The following SLC12A9 variants were observed in gnomAD, a reference collection of about 807,000 sequenced individuals.
SLC12A9 encodes solute carrier family 12 member 9.
In SLC12A9, 55 loss-of-function variants were observed where a neutral mutation model predicts 66.0. The observed-to-expected ratio is 0.83, with a 90% CI of 0.67 to 1.04. The LOEUF is 1.04. Ranked by LOEUF, SLC12A9 falls within the 50% of genes least tolerant of loss-of-function variation. The pLI, the probability that SLC12A9 is intolerant of heterozygous loss-of-function variation, is 0.00. For synonymous variants in SLC12A9, 577 were observed against 569.0 expected (o/e 1.01, Z -0.20); for missense variants, 1,061 against 1,241.9 (o/e 0.85, Z 2.19).
At chr7:100,827,163 A>T (rs976787049) in intron 1 of SLC12A9, 1 of 896,814 alleles carries the variant, frequency 1.1e-6, no homozygotes, top group Admixed American at 3.6e-5. Context: ...GCGCGGGCCC[A>T]TGCGAGCGTG....
At chr7:100,833,610 C>T (rs1813586321) in intron 1 of SLC12A9, among the ~76,000 whole-genome samples, 2 of 151,712 alleles carry the variant, frequency 1.3e-5, no homozygotes, top group Non-Finnish European at 2.9e-5. Context: ...AGTTCCAGGC[C>T]AGCCTGGGCA....
intron 1 of SLC12A9, chr7:100,827,085 C>G (rs1300439941): frequency 8.4e-6 from 13 of 1,540,514 alleles, no homozygotes; most frequent in Middle Eastern, 1.7e-4. Context: ...CCTCGCCCCC[C>G]CAGGTCTGAC....
At chr7:100,863,128 G>C (rs1163135361) in intron 13 of SLC12A9, among the ~76,000 whole-genome samples, 1 of 148,468 alleles carries the variant, frequency 6.7e-6, no homozygotes, top group Non-Finnish European at 1.5e-5. Flanking sequence ...ACAGTGGCAC[G>C]ATCTTGGCTC....
In SLC12A9 at chr7:100,857,038, G is replaced by T. The variant is rs1814436433; in HGVS notation, c.619G>T (p.Val207Leu). The T allele has an allele frequency of 6.2e-7, 1 of 1,614,094 alleles. No homozygotes were observed. Residue 207 changes from valine (V) to leucine (L), a missense_variant, in exon 5 of 14, where the codon GTG (valine) becomes TTG (leucine). Transcript: ENST00000354161. ...FLLVSGSLAS[V>L]LISFVAVGPR... The stretch of plus-strand genomic sequence containing the variant: ...GCTGGTCTCTGGCTCCCTGGCCTCT[G>T]TGCTCATCAGTTTTGTGGCTGTGGG...
intron 1 of SLC12A9, among the ~76,000 whole-genome samples, chr7:100,837,137 C>T (rs1216788119): frequency 6.6e-6 from 1 of 152,098 alleles, no homozygotes; most frequent in Non-Finnish European, 1.5e-5. Flanking sequence ...GAGATGGGGG[C>T]TCGCTATGTT....
intron 1 of SLC12A9, among the ~76,000 whole-genome samples, chr7:100,827,960 G>C (rs1032956440): frequency 1.3e-5 from 2 of 152,170 alleles, no homozygotes; most frequent in African/African-American, 4.8e-5. Flanking sequence ...TCTAGATGCC[G>C]CTCTTGGATG....
chr7:100,859,041 C>T lies in SLC12A9; in HGVS notation c.866-9C>T. 1 of 1,613,122 alleles carries T rather than the reference C, an allele frequency of 6.2e-7. No homozygotes were observed. The highest frequency in any genetic ancestry group is 8.5e-7 in the Non-Finnish European group (1 of 1,179,874). ...GGCTGACCTCACTCCCTCTGCTCCC[C>T]CTCTCCAGGGGAGCTGAAGGACCCC... On this transcript the variant is annotated splice_polypyrimidine_tract_variant and intron_variant, in intron 6 of 13. Transcript: ENST00000354161.
chr7:100,839,814 G>A (rs1447915010), intron 1 of SLC12A9, among the ~76,000 whole-genome samples: 11 of 152,230 alleles, frequency 7.2e-5, no homozygotes, highest in South Asian at 2.1e-4. Flanking sequence ...AGGCCAAGGC[G>A]GGCGGATGAC....
chr7:100,847,322 G>A (rs1813940692), intron 1 of SLC12A9, among the ~76,000 whole-genome samples: 2 of 152,362 alleles, frequency 1.3e-5, no homozygotes, highest in South Asian at 4.1e-4. Context: ...TAATATTGAA[G>A]TCAAGGCATC....
intron 1 of SLC12A9, among the ~76,000 whole-genome samples, chr7:100,853,100 G>A (rs1346077550): frequency 6.6e-6 from 1 of 152,028 alleles, no homozygotes; most frequent in African/African-American, 2.4e-5. Flanking sequence ...CGAGGAGGAG[G>A]GGGTTTGAGA....
intron 5 of SLC12A9, chr7:100,858,590 TA>T (rs1323933539): frequency 4.9e-6 from 2 of 407,300 alleles, no homozygotes; most frequent in Non-Finnish European, 9.1e-6. Context: ...ACCCTGTCTC[TA>T]AAAAATAAAT....
In SLC12A9 at chr7:100,834,271, C is replaced by A. The variant is rs553947945; in HGVS notation, n.228+7224C>A. 6.3e-3 allele frequency among the ~76,000 whole-genome samples: 958 copies of A among 152,198 alleles called. 11 individuals carry two copies. Among genetic ancestry groups the A allele is most frequent in the Middle Eastern group, 0.051 (15 of 294 alleles). On this transcript the variant is annotated intron_variant and non_coding_transcript_variant, in intron 1 of 1. Transcript: ENST00000461016. Reference sequence around the variant, plus strand: ...GCTGCCAGAGTTCACAACGCCAGGTCAGAGAGGGCAAGGACAGTGACCATG... The same window carrying A: ...GCTGCCAGAGTTCACAACGCCAGGTAAGAGAGGGCAAGGACAGTGACCATG...
chr7:100,835,522 C>A (rs1301200099), intron 1 of SLC12A9, among the ~76,000 whole-genome samples: 1 of 143,896 alleles, frequency 6.9e-6, no homozygotes, highest in African/African-American at 2.6e-5. Context: ...TGGTGGTACG[C>A]GCCTGTAGTC....
Position 100,855,626 on chromosome 7 carries a change from T to A in SLC12A9, c.317-80T>A, listed in dbSNP as rs1814340111. On this transcript the variant is annotated intron_variant, in intron 3 of 13. Transcript: ENST00000354161. ...GGCTGGGGCCTGGCTGCACTTGGGT[T>A]CAGTGCTTGGAGCTATGGCAACTTC... is the stretch of plus-strand genomic sequence containing the variant. 1.9e-6 allele frequency: 3 copies of A among 1,592,356 alleles called. No individual in the cohort carries two copies. In the Admixed American group the frequency reaches 5.1e-5, roughly 27 times the overall value.
At chr7:100,830,240 T>C (rs796527810) in intron 1 of SLC12A9, among the ~76,000 whole-genome samples, 12 of 151,328 alleles carry the variant, frequency 7.9e-5, no homozygotes, top group African/African-American at 2.7e-4. Context: ...CAGTCCCAGC[T>C]ACTCGGGAGG....
intron 4 of SLC12A9, chr7:100,856,213 A>T (rs1814377247): frequency 5.9e-6 from 1 of 168,726 alleles, no homozygotes; most frequent in African/African-American, 2.4e-5. Context: ...CTTCTTATTT[A>T]TTTATTTATT....
rs1202601548 is a variant in SLC12A9, at chr7:100,857,920, A to G, written c.757+744A>G. 3 of 151,862 alleles carry G rather than the reference A, an allele frequency of 2.0e-5. No individual in the cohort carries two copies. In the East Asian group the frequency reaches 5.8e-4, roughly 29 times the overall value. 9.4% of individuals were successfully genotyped at this position (151,862 alleles called of 1,614,324 possible). ...TGGGAGACAGTGAGGTTCCCTCTCC[A>G]AAAAACAAACAAACAAAAAAAACAC... On this transcript the variant is annotated intron_variant, in intron 5 of 13. Transcript: ENST00000354161.
At chr7:100,841,369 C>A (rs1237521091) in intron 1 of SLC12A9, among the ~76,000 whole-genome samples, 16 of 149,710 alleles carry the variant, frequency 1.1e-4, no homozygotes, top group African/African-American at 2.9e-4. Context: ...GTAAAATATA[C>A]CTTTGGTAAG....
chr7:100,843,542 G>C (rs1010357174), intron 1 of SLC12A9, among the ~76,000 whole-genome samples: 3 of 152,232 alleles, frequency 2.0e-5, no homozygotes, highest in Non-Finnish European at 4.4e-5. Context: ...CCAGACTGTA[G>C]GGCCCTGGGC....
Sources: allele counts gnomAD v4.1 joint callset (sites outside exome capture counted in the v4.1 genomes callset), GRCh38; gene constraint gnomAD v4.1.1; transcripts MANE v1.5; gene names NCBI Gene and HGNC (gene_info 2026-07-23, HGNC 2026-07-21).